The following KIF26B variants were observed in gnomAD, a reference collection of about 807,000 sequenced individuals.
KIF26B encodes kinesin-like protein KIF26B.
Under a neutral mutation model 151.2 loss-of-function variants are expected in KIF26B, and 63 were observed. The observed-to-expected ratio is 0.42, with a 90% CI of 0.34 to 0.51. The LOEUF (loss-of-function observed/expected upper bound fraction) is 0.51. KIF26B is among the 20% of genes least tolerant of loss of function. The probability of loss-of-function intolerance (pLI) is 0.07; values close to 1 mark genes in which losing one functional copy is unlikely to be tolerated. For synonymous variants in KIF26B, 1,357 were observed against 1,262.1 expected (o/e 1.08, Z -1.59); for missense variants, 2,813 against 2,913.6 (o/e 0.97, Z 0.79).
rs758030568 is a variant in KIF26B, at chr1:245,688,608, G to A, written c.5625G>A (p.Leu1875=). The A allele has an allele frequency of 8.8e-6, 14 of 1,588,626 alleles. No homozygotes were observed. The East Asian group carries it at 3.2e-4, about 37-fold the overall frequency. The change falls in exon 12 of 15, where the codon CTG becomes CTA. Residue 1875 remains leucine (L), a synonymous_variant. Coordinates refer to ENST00000407071, the MANE Select transcript of KIF26B (RefSeq NM_018012.4). ...SGHGSDNSSV[L]SGELPPAMGK... is the part of the protein sequence containing the mutation. ...ACGGCAGCGACAACAGCAGCGTGCT[G>A]AGCGGGGAGCTCCCGCCGGCCATGG...
At chr1:245,395,558 C>CG (rs1673815186) in intron 3 of KIF26B, among the ~76,000 whole-genome samples, 2 of 152,138 alleles carry the variant, frequency 1.3e-5, no homozygotes, top group African/African-American at 4.8e-5. Flanking sequence ...ATAGACCCGG[C>CG]GGGGTGCTGA....
chr1:245,287,835 G>A (rs1425394796), intron 2 of KIF26B, among the ~76,000 whole-genome samples: 1 of 152,084 alleles, frequency 6.6e-6, no homozygotes, highest in Non-Finnish European at 1.5e-5. Context: ...CCACAGGGGA[G>A]CAAGGAATTC....
chr1:245,335,313 C>T (rs1672198419), intron 2 of KIF26B, among the ~76,000 whole-genome samples: 1 of 152,176 alleles, frequency 6.6e-6, no homozygotes, highest in African/African-American at 2.4e-5. Context: ...TTTGGCTTTG[C>T]CTTGTCCTCC....
chr1:245,333,393 G>C (rs900023813), intron 2 of KIF26B, among the ~76,000 whole-genome samples: 3 of 152,218 alleles, frequency 2.0e-5, no homozygotes, highest in African/African-American at 7.2e-5. Context: ...ACCTAGAGCA[G>C]TGAAATTCAT....
Position 245,369,191 on chromosome 1 carries a change from G to C in KIF26B, c.999+1824G>C, listed in dbSNP as rs867689473. ...AGTGAGAGAGAGAGAGAGAGAGAGAGAGAGAGACAGACAGACAGACAGACA... is the reference window on the plus strand; with the variant it reads ...AGTGAGAGAGAGAGAGAGAGAGAGACAGAGAGACAGACAGACAGACAGACA... On this transcript the variant is annotated intron_variant, in intron 3 of 14. Transcript: ENST00000407071. Among the ~76,000 whole-genome samples, 53 of 138,424 alleles carry C rather than the reference G, an allele frequency of 3.8e-4. 1 individual carries two copies. Among genetic ancestry groups the C allele is most frequent in the African/African-American group, 1.4e-3 (46 of 32,942 alleles). The allele number at this position is 138,424 out of a possible 152,430, so 90.8% of individuals were successfully genotyped here.
rs138881248 is a variant in KIF26B at position 245,216,577 on chromosome 1, G to A, written c.465+59894G>A. ...ATGAACTAAGTGGCTAAATCTAGATGGTACGCAGGCAAGAAAAATTGATGT... is the reference window on the plus strand; with the variant it reads ...ATGAACTAAGTGGCTAAATCTAGATAGTACGCAGGCAAGAAAAATTGATGT... On this transcript the variant is annotated intron_variant, in intron 2 of 14. Coordinates refer to ENST00000407071, the MANE Select transcript of KIF26B (RefSeq NM_018012.4). Among the ~76,000 whole-genome samples, 1,346 of 152,304 alleles carry A rather than the reference G, an allele frequency of 8.8e-3. 20 individuals carry two copies. The highest frequency in any genetic ancestry group is 0.028 in the African/African-American group (1,172 of 41,560).
In KIF26B at chr1:245,318,742, G is replaced by A. The variant is rs1264663616; in HGVS notation, c.466-48092G>A. Among the ~76,000 whole-genome samples, 1 of 152,128 alleles carries A rather than the reference G, an allele frequency of 6.6e-6. No homozygotes were observed. Among genetic ancestry groups the A allele is most frequent in the African/African-American group, 2.4e-5 (1 of 41,418 alleles). On this transcript the variant is annotated intron_variant, in intron 2 of 14. Transcript: ENST00000407071. The surrounding 1 kb of genome is among the most constrained non-coding windows in gnomAD (Gnocchi z 4.0). ...AACTCAATTCCCCAGGCTGCTGTGT[G>A]TCCGTCATCCCTGAAATTTCATGAG...
intron 2 of KIF26B, among the ~76,000 whole-genome samples, chr1:245,197,980 T>C (rs1327087711): frequency 1.3e-5 from 2 of 152,222 alleles, no homozygotes; most frequent in Non-Finnish European, 2.9e-5. Flanking sequence ...CTTAAGCAGA[T>C]GACTTTAGCC....
intron 2 of KIF26B, among the ~76,000 whole-genome samples, chr1:245,281,778 T>C (rs1404507833): frequency 6.6e-6 from 1 of 152,146 alleles, no homozygotes; most frequent in Non-Finnish European, 1.5e-5. Context: ...GAATTGATTT[T>C]TTATAAGGTG....
intron 2 of KIF26B, among the ~76,000 whole-genome samples, chr1:245,231,286 G>A (rs1669991981): frequency 6.6e-6 from 1 of 152,116 alleles, no homozygotes; most frequent in Non-Finnish European, 1.5e-5. Flanking sequence ...AGGCTGAGGT[G>A]GGCAGATCAC....
intron 2 of KIF26B, among the ~76,000 whole-genome samples, chr1:245,280,032 A>G (rs1031642683): frequency 1.3e-5 from 2 of 151,808 alleles, no homozygotes; most frequent in Non-Finnish European, 2.9e-5. Flanking sequence ...TACCATTTGG[A>G]GTTTGATTGC....
At chr1:245,349,774 TAATC>T (rs2102999866) in intron 2 of KIF26B, among the ~76,000 whole-genome samples, 1 of 152,316 alleles carries the variant, frequency 6.6e-6, no homozygotes, top group African/African-American at 2.4e-5. Flanking sequence ...GATCTGGTAT[TAATC>T]AAGCCACTGT....
intron 4 of KIF26B, among the ~76,000 whole-genome samples, chr1:245,522,071 G>T (rs528995805): frequency 5.3e-5 from 8 of 152,014 alleles, no homozygotes; most frequent in Non-Finnish European, 7.4e-5. Flanking sequence ...GGGTTTCACC[G>T]TGTTAGCCAG....
At chr1:245,359,169 C>T (rs980376476) in intron 2 of KIF26B, among the ~76,000 whole-genome samples, 2 of 152,150 alleles carry the variant, frequency 1.3e-5, no homozygotes, top group African/African-American at 4.8e-5. Flanking sequence ...CAGGCACGCA[C>T]CACCACACCT....
intron 8 of KIF26B, among the ~76,000 whole-genome samples, chr1:245,610,507 A>G (rs1325072203): frequency 6.6e-6 from 1 of 152,214 alleles, no homozygotes; most frequent in African/African-American, 2.4e-5. Context: ...TCCAGGGATC[A>G]CAGTTGGAAA....
chr1:245,408,904 G>A (rs533118353), intron 3 of KIF26B, among the ~76,000 whole-genome samples: 7 of 152,264 alleles, frequency 4.6e-5, no homozygotes, highest in African/African-American at 1.7e-4. Context: ...AGTATTAAAT[G>A]TGTCAATACA....
chr1:245,377,807 G>A (rs1246609933), intron 3 of KIF26B, among the ~76,000 whole-genome samples: 2 of 151,746 alleles, frequency 1.3e-5, no homozygotes, highest in East Asian at 1.9e-4. Flanking sequence ...TCTTTGCTTG[G>A]AGGAAAAAAA....
intron 2 of KIF26B, among the ~76,000 whole-genome samples, chr1:245,294,012 G>A (rs984101451): frequency 6.6e-6 from 1 of 152,232 alleles, no homozygotes; most frequent in African/African-American, 2.4e-5. Context: ...TCCATGGGCA[G>A]AATCCGGGTG....
Position 245,660,879 on chromosome 1 carries a change from G to A in KIF26B, c.2258+14599G>A, listed in dbSNP as rs369386200. ...CACTGAAGCTGGAGTGTAGTGGTGC[G>A]ATCTTGGCTCACTGCAGCCTTGACC... On this transcript the variant is annotated intron_variant, in intron 10 of 14. Coordinates refer to ENST00000407071, the MANE Select transcript of KIF26B (RefSeq NM_018012.4). 8.5e-5 allele frequency among the ~76,000 whole-genome samples: 13 copies of A among 152,048 alleles called. No homozygotes were observed. The East Asian group carries it at 1.6e-3, about 18-fold the overall frequency.
Sources: allele counts gnomAD v4.1 joint callset (sites outside exome capture counted in the v4.1 genomes callset), GRCh38; gene constraint gnomAD v4.1.1; non-coding constraint Gnocchi (gnomAD v3.1); transcripts MANE v1.5; gene names NCBI Gene and HGNC (gene_info 2026-07-23, HGNC 2026-07-21).